ADGRL3: variants seen among roughly 807,000 people sequenced by gnomAD.
ADGRL3 encodes calcium-independent alpha-latrotoxin receptor 3.
In ADGRL3, 62 loss-of-function variants were observed where a neutral mutation model predicts 153.5. That is an observed-to-expected ratio of 0.40 (90% CI 0.33 to 0.50). The LOEUF is 0.50. Among genes scored for constraint, ADGRL3 ranks in the 20% least tolerant of loss-of-function variants. The pLI is 0.47. For synonymous variants in ADGRL3, 710 were observed against 672.5 expected, an observed-to-expected ratio of 1.06 and a Z score of -0.86; for missense variants, 1,641 against 1,859.4, an observed-to-expected ratio of 0.88 and a Z score of 2.16.
intron 18 of ADGRL3, among the ~76,000 whole-genome samples, chr4:61,981,450 G>A (rs987586196): frequency 6.6e-6 from 1 of 151,586 alleles, no homozygotes; most frequent in African/African-American, 2.4e-5. Flanking sequence ...CATGAGTTCT[G>A]GTCATGTCTT....
At chr4:61,261,189 CTTT>C (rs56862136) in intron 1 of ADGRL3, among the ~76,000 whole-genome samples, 17 of 118,242 alleles carry the variant, frequency 1.4e-4, no homozygotes, top group Non-Finnish European at 1.9e-4. Flanking sequence ...TCATCTTCTT[CTTT>C]TTTTTTTTTT....
rs79611584 is a variant in ADGRL3, at chr4:61,526,337, T to G, written c.259+8819T>G. ...GTAGTAGAGGATTAGACTTGTGAGTTTTATGTGATAGAAATGAGGAAATAT... is the reference window on the plus strand; with the variant it reads ...GTAGTAGAGGATTAGACTTGTGAGTGTTATGTGATAGAAATGAGGAAATAT... On this transcript the variant is annotated intron_variant, in intron 4 of 26. Coordinates refer to ENST00000683033, the MANE Select transcript of ADGRL3 (RefSeq NM_001387552.1). 0.011 allele frequency among the ~76,000 whole-genome samples: 1,690 copies of G among 152,256 alleles called. 84 individuals carry two copies. The East Asian group carries it at 0.17, about 15-fold the overall frequency.
intron 23 of ADGRL3, among the ~76,000 whole-genome samples, chr4:62,033,388 C>T (rs1300805474): frequency 6.6e-6 from 1 of 151,562 alleles, no homozygotes; most frequent in Non-Finnish European, 1.5e-5. Context: ...GGCAGTCTGC[C>T]ACACTTAATG....
chr4:61,865,370 A>G (rs1046629278), intron 9 of ADGRL3, among the ~76,000 whole-genome samples: 3 of 151,766 alleles, frequency 2.0e-5, no homozygotes, highest in Non-Finnish European at 2.9e-5. Context: ...GGATTTTTTT[A>G]AAATAGCATA....
intron 4 of ADGRL3, among the ~76,000 whole-genome samples, chr4:61,582,432 T>C (rs982126200): frequency 3.9e-5 from 6 of 151,968 alleles, no homozygotes; most frequent in African/African-American, 1.2e-4. Context: ...AGTGAAAACA[T>C]GTGGTGTTTG....
chr4:61,651,413 A>G (rs1461919392), intron 5 of ADGRL3, among the ~76,000 whole-genome samples: 2 of 152,194 alleles, frequency 1.3e-5, no homozygotes, highest in African/African-American at 2.4e-5. Flanking sequence ...TAACTGCTAT[A>G]TGAAAGCACT....
intron 9 of ADGRL3, among the ~76,000 whole-genome samples, chr4:61,884,405 C>T (rs1201032052): frequency 1.3e-5 from 2 of 152,048 alleles, no homozygotes; most frequent in Non-Finnish European, 2.9e-5. Flanking sequence ...CAAGAAATGC[C>T]AGAGATTATT....
At chr4:61,499,860 C>T (rs1463477450) in intron 3 of ADGRL3, among the ~76,000 whole-genome samples, 1 of 151,926 alleles carries the variant, frequency 6.6e-6, no homozygotes, top group Non-Finnish European at 1.5e-5. Context: ...TTTTTCAGAA[C>T]TAAAATTCCT....
chr4:61,579,877 A>G (rs1362601958), intron 4 of ADGRL3, among the ~76,000 whole-genome samples: 1 of 152,104 alleles, frequency 6.6e-6, no homozygotes, highest in Non-Finnish European at 1.5e-5. Flanking sequence ...TCCTGAGAGC[A>G]TATGTTCTTT....
chr4:61,980,036 C>G (rs375389043), intron 18 of ADGRL3, among the ~76,000 whole-genome samples: 3 of 152,146 alleles, frequency 2.0e-5, no homozygotes, highest in African/African-American at 7.2e-5. Context: ...CAAAATTAAG[C>G]AGGAGCTACA....
intron 23 of ADGRL3, among the ~76,000 whole-genome samples, chr4:62,037,284 C>T (rs1338322366): frequency 6.6e-6 from 1 of 151,982 alleles, no homozygotes; most frequent in Non-Finnish European, 1.5e-5. Context: ...TCTCTCTCCC[C>T]CACTTCTTAC....
At chr4:61,688,330 C>T (rs2095482288) in intron 6 of ADGRL3, among the ~76,000 whole-genome samples, 1 of 152,000 alleles carries the variant, frequency 6.6e-6, no homozygotes, top group Non-Finnish European at 1.5e-5. Context: ...TTCCCTCAAG[C>T]ACTAGAGAAT....
At chr4:61,434,231 T>C (rs1335464299) in intron 2 of ADGRL3, among the ~76,000 whole-genome samples, 4 of 152,088 alleles carry the variant, frequency 2.6e-5, no homozygotes, top group African/African-American at 7.2e-5. Flanking sequence ...TCTGTAATCA[T>C]TGATAAATGA....
chr4:61,878,956 G>A (rs1007337290), intron 9 of ADGRL3, among the ~76,000 whole-genome samples: 5 of 151,824 alleles, frequency 3.3e-5, no homozygotes, highest in African/African-American at 1.2e-4. Context: ...TCTTCATATT[G>A]TACATTTTAA....
chr4:61,548,844 T>C lies in ADGRL3; in HGVS notation c.259+31326T>C, dbSNP rs141494705. 1.3e-4 allele frequency among the ~76,000 whole-genome samples: 20 copies of C among 152,192 alleles called. No individual in the cohort carries two copies. In the East Asian group the frequency reaches 1.9e-3, roughly 15 times the overall value. ...TCCATGTGAATTTTCAGAACTATGG[T>C]TCCCTAGTTTTTTTTCTGATTGTGT... is the stretch of plus-strand genomic sequence containing the variant. On this transcript the variant is annotated intron_variant, in intron 4 of 26. Coordinates refer to ENST00000683033, the MANE Select transcript of ADGRL3 (RefSeq NM_001387552.1).
intron 25 of ADGRL3, among the ~76,000 whole-genome samples, chr4:62,051,291 A>C (rs1734084456): frequency 6.6e-6 from 1 of 151,328 alleles, no homozygotes; most frequent in Non-Finnish European, 1.5e-5. Context: ...TCAGTTTAAT[A>C]ACACAAAGGC....
intron 1 of ADGRL3, among the ~76,000 whole-genome samples, chr4:61,243,740 T>G (rs988907709): frequency 2.0e-5 from 3 of 152,062 alleles, no homozygotes; most frequent in Non-Finnish European, 2.9e-5. Flanking sequence ...AAGTCATGTT[T>G]GTACTAGTGG....
At chr4:61,296,369 G>T (rs1037964266) in intron 1 of ADGRL3, among the ~76,000 whole-genome samples, 1 of 152,092 alleles carries the variant, frequency 6.6e-6, no homozygotes, top group African/African-American at 2.4e-5. Flanking sequence ...TCTGGGGATG[G>T]GAACAAAGAC....
chr4:61,734,534 C>T (rs1049401220), intron 8 of ADGRL3, among the ~76,000 whole-genome samples: 2 of 152,072 alleles, frequency 1.3e-5, no homozygotes, highest in Non-Finnish European at 2.9e-5. Flanking sequence ...CTTATAAAGC[C>T]ATCAGATTTC....
Sources: allele counts gnomAD v4.1 joint callset (sites outside exome capture counted in the v4.1 genomes callset), GRCh38; gene constraint gnomAD v4.1.1; transcripts MANE v1.5; gene names NCBI Gene and HGNC (gene_info 2026-07-23, HGNC 2026-07-21).